Variants in REEP1 observed in about 807,000 individuals in gnomAD.
The protein encoded by REEP1 is receptor accessory protein 1.
REEP1 carries 22 observed loss-of-function variants against 40.3 expected under a neutral mutation model. The ratio of observed to expected loss-of-function variants is 0.55; its 90% CI spans 0.39 to 0.78. REEP1 has a LOEUF of 0.78. Among genes scored for constraint, REEP1 ranks in the 30% least tolerant of loss-of-function variants. The pLI, the probability that REEP1 is intolerant of heterozygous loss-of-function variation, is 0.00. For missense variants in REEP1, 280 were observed against 361.1 expected (o/e 0.78, Z 1.82); for synonymous variants, 116 against 139.2 (o/e 0.83, Z 1.17).
In REEP1 at chr2:86,337,514, G is replaced by GGGCA. The variant is rs1681108230; in HGVS notation, c.-8_-5dup. ...TGGAGATGATCCATGACACCATGGC[G>GGGCA]GGCAGGCGGGCGGGCGAGGCCCGGG... is the stretch of plus-strand genomic sequence containing the variant. On this transcript the variant is annotated 5_prime_UTR_variant, in exon 1 of 9. Coordinates refer to ENST00000538924, the MANE Select transcript of REEP1 (RefSeq NM_001371279.1). The surrounding 1 kb of genome is among the most constrained non-coding windows in gnomAD (Gnocchi z 5.8). 7.8e-7 allele frequency: 1 copy of GGGCA among 1,282,906 alleles called. No individual in the cohort carries two copies. 79.5% of individuals were successfully genotyped at this position (1,282,906 alleles called of 1,614,324 possible).
At chr2:86,227,259 C>T in intron 7 of REEP1, 104 bp downstream of exon 7, 4 of 917,088 alleles carry the variant, frequency 4.4e-6, no homozygotes, top group Non-Finnish European at 5.7e-6. Flanking sequence ...TCCCTATGAC[C>T]ATGCAGCTGA....
chr2:86,330,488 C>G (rs890331996), intron 1 of REEP1, among the ~76,000 whole-genome samples: 8 of 150,946 alleles, frequency 5.3e-5, no homozygotes, highest in African/African-American at 1.9e-4. Context: ...CTCTGTTGCT[C>G]AGGCTCAGTG....
At chr2:86,219,128 C>A (rs1013120573) in intron 8 of REEP1, among the ~76,000 whole-genome samples, 1 of 152,198 alleles carries the variant, frequency 6.6e-6, no homozygotes. Flanking sequence ...CCACATCCTA[C>A]AACTGAAAAT....
Position 86,248,874 on chromosome 2 carries a change from G to A in REEP1, c.417+3083C>T, listed in dbSNP as rs76858880. Among the ~76,000 whole-genome samples the A allele has an allele frequency of 4.3e-3, 658 of 152,266 alleles. 10 individuals are homozygous for A. The highest frequency in any genetic ancestry group is 0.015 in the African/African-American group (629 of 41,566). ...CCCCAGCTATGGGTGACTTTGCAGC[G>A]TGTCTTTTTTTCAGACAGTTGCTCT... is the stretch of plus-strand genomic sequence containing the variant. On this transcript the variant is annotated intron_variant, in intron 5 of 8. Coordinates refer to ENST00000538924, the MANE Select transcript of REEP1 (RefSeq NM_001371279.1).
chr2:86,220,707 GT>G (rs5832673), intron 7 of REEP1, among the ~76,000 whole-genome samples: 101,217 of 145,934 alleles, frequency 0.69, 39,737 homozygotes, highest in Non-Finnish European at 0.87. Context: ...TTTTTTGTTT[GT>G]TTTTTTTTTT....
intron 1 of REEP1, among the ~76,000 whole-genome samples, chr2:86,283,393 C>G (rs1432050789): frequency 6.6e-6 from 1 of 152,144 alleles, no homozygotes; most frequent in African/African-American, 2.4e-5. Flanking sequence ...GGGCCTGGCC[C>G]AGGTACTATA....
intron 6 of REEP1, among the ~76,000 whole-genome samples, chr2:86,228,593 G>A (rs1674849359): frequency 6.6e-6 from 1 of 152,136 alleles, no homozygotes; most frequent in East Asian, 1.9e-4. Flanking sequence ...CGAGTAGCTG[G>A]GATTACAGGC....
At chr2:86,255,484 C>T (rs1241809914) in intron 3 of REEP1, among the ~76,000 whole-genome samples, 1 of 152,112 alleles carries the variant, frequency 6.6e-6, no homozygotes, top group East Asian at 1.9e-4. Context: ...AGTTTGCAGT[C>T]CTGCATACCC....
intron 2 of REEP1, chr2:86,279,926 A>G (rs1164713267): frequency 2.2e-6 from 1 of 455,570 alleles, no homozygotes; most frequent in Non-Finnish European, 4.4e-6. Context: ...TGTAATGGTG[A>G]CAATAAAAAA....
At chr2:86,272,280 G>A (rs1677499894) in intron 2 of REEP1, among the ~76,000 whole-genome samples, 1 of 152,192 alleles carries the variant, frequency 6.6e-6, no homozygotes, top group South Asian at 2.1e-4. Flanking sequence ...AACTTCTCCA[G>A]TGAGTCATCT....
In REEP1 at chr2:86,309,311, C is replaced by T. The variant is rs569618880; in HGVS notation, c.33-27069G>A. ...CACCTCCTCACTGTATTTCACCTGA[C>T]TGGCAGACCCAAACCTAACTTCCCC... On this transcript the variant is annotated intron_variant, in intron 1 of 8. Transcript: ENST00000538924. Among the ~76,000 whole-genome samples the T allele has an allele frequency of 5.0e-4, 76 of 152,350 alleles. 1 individual carries two copies. In the South Asian group the frequency reaches 0.015, roughly 30 times the overall value.
chr2:86,223,994 G>A (rs1674563258), intron 7 of REEP1, among the ~76,000 whole-genome samples: 2 of 152,154 alleles, frequency 1.3e-5, no homozygotes, highest in Admixed American at 1.3e-4. Context: ...GTTGACAAAT[G>A]GGGCAGGAAC....
chr2:86,325,850 T>G (rs1680476338), intron 1 of REEP1, among the ~76,000 whole-genome samples: 1 of 152,186 alleles, frequency 6.6e-6, no homozygotes, highest in African/African-American at 2.4e-5. Flanking sequence ...ACAGCAGCAA[T>G]CATAGACTAA....
chr2:86,219,276 A>G (rs767810965), intron 8 of REEP1, among the ~76,000 whole-genome samples: 1 of 152,182 alleles, frequency 6.6e-6, no homozygotes, highest in African/African-American at 2.4e-5. Flanking sequence ...CCTTGTTCTT[A>G]TTTATAAAAA....
chr2:86,303,510 C>T (rs931770426), intron 1 of REEP1, among the ~76,000 whole-genome samples: 9 of 149,992 alleles, frequency 6.0e-5, no homozygotes, highest in East Asian at 2.0e-4. Context: ...TGAGCCACCA[C>T]GCCTGGCTGC....
At chr2:86,236,755 G>A (rs76394181) in intron 5 of REEP1, among the ~76,000 whole-genome samples, 2 of 140,934 alleles carry the variant, frequency 1.4e-5, no homozygotes, top group Non-Finnish European at 3.0e-5. Flanking sequence ...TTTTTTTTTC[G>A]AGATGGAGTC....
At chr2:86,267,917 T>G (rs1677231215) in intron 2 of REEP1, among the ~76,000 whole-genome samples, 1 of 148,670 alleles carries the variant, frequency 6.7e-6, no homozygotes, top group African/African-American at 2.5e-5. Flanking sequence ...AGAAACTGAA[T>G]CAGTAATGAA....
At position 86,226,531 on chromosome 2, in the gene REEP1, C is replaced by T. The variant is rs771643614; in HGVS notation, c.631+832G>A. Among the ~76,000 whole-genome samples the T allele has an allele frequency of 4.8e-5, 7 of 147,070 alleles. No individual in the cohort carries two copies. The East Asian group carries it at 8.1e-4, about 17-fold the overall frequency. On this transcript the variant is annotated intron_variant, in intron 7 of 8. Coordinates refer to ENST00000538924, the MANE Select transcript of REEP1 (RefSeq NM_001371279.1). ...GTCACCCAGCTTGAGTGCAATGGCA[C>T]GATCATGGCTCACTGCAACCTTGAT...
intron 5 of REEP1, among the ~76,000 whole-genome samples, chr2:86,237,972 G>A (rs112517503): frequency 0.084 from 12,712 of 152,038 alleles, 1,798 homozygotes; most frequent in African/African-American, 0.29. Context: ...ACCTGAGGTC[G>A]GGAGTTTGAG....
Sources: gnomAD v4.1 joint callset for allele counts (sites outside exome capture counted in the v4.1 genomes callset) on GRCh38, gnomAD v4.1.1 for gene constraint, Gnocchi (gnomAD v3.1) non-coding constraint, MANE v1.5 for transcripts, NCBI Gene and HGNC (gene_info 2026-07-23, HGNC 2026-07-21) for gene names.